Variants in TET2 observed in about 807,000 individuals in gnomAD.
The protein encoded by TET2 is methylcytosine dioxygenase TET2.
TET2 carries 299 observed loss-of-function variants against 142.9 expected under a neutral mutation model. The ratio of observed to expected loss-of-function variants is 2.09; its 90% CI spans 1.90 to 2.30. The LOEUF (loss-of-function observed/expected upper bound fraction) is 2.30. Among genes scored for constraint, TET2 ranks in the 30% most tolerant of loss-of-function variants. The pLI is 0.00. For missense variants in TET2, 2,418 were observed against 2,378.0 expected, an observed-to-expected ratio of 1.02 and a Z score of -0.35; for synonymous variants, 819 against 849.0, an observed-to-expected ratio of 0.96 and a Z score of 0.61.
At chr4:105,200,593 A>G (rs1254730438) in intron 2 of TET2, among the ~76,000 whole-genome samples, 1 of 151,982 alleles carries the variant, frequency 6.6e-6, no homozygotes, top group Non-Finnish European at 1.5e-5. Context: ...GATCTGATAT[A>G]AGCATATGTT....
At chr4:105,204,153 G>A (rs949535924) in intron 2 of TET2, among the ~76,000 whole-genome samples, 14 of 150,802 alleles carry the variant, frequency 9.3e-5, no homozygotes, top group African/African-American at 2.4e-4. Flanking sequence ...AGTTGAGTTC[G>A]CGTCACTGCA....
chr4:105,217,235 G>C (rs1296641303), intron 2 of TET2, among the ~76,000 whole-genome samples: 1 of 152,046 alleles, frequency 6.6e-6, no homozygotes, highest in African/African-American at 2.4e-5. Context: ...TTTGGGCAAA[G>C]TACAGGTGAA....
At chr4:105,159,998 G>A (rs1447794300) in intron 1 of TET2, among the ~76,000 whole-genome samples, 3 of 151,320 alleles carry the variant, frequency 2.0e-5, no homozygotes, top group Admixed American at 2.0e-4. Context: ...ACGAGACTCC[G>A]TCTCAGAAAA....
In TET2 at chr4:105,236,103, C is replaced by T. The variant is rs1367316522; in HGVS notation, c.2161C>T (p.His721Tyr). The T allele has an allele frequency of 6.2e-7, 1 of 1,614,172 alleles. No individual in the cohort carries two copies. Among genetic ancestry groups the T allele is most frequent in the East Asian group, 2.2e-5 (1 of 44,880 alleles). Reference sequence around the variant, plus strand: ...ATTTTCAAACTCACACCTTTTGCAACATAAGCCTCATAAACAGGCAGCACA... The same window carrying T: ...ATTTTCAAACTCACACCTTTTGCAATATAAGCCTCATAAACAGGCAGCACA... ...EPFSNSHLLQ[H>Y]KPHKQAAQTQ... The change falls in exon 3 of 11, where the codon CAT (histidine) becomes TAT (tyrosine). Residue 721 changes from histidine (H) to tyrosine (Y), a missense_variant. Coordinates refer to ENST00000380013, the MANE Select transcript of TET2 (RefSeq NM_001127208.3).
chr4:105,214,300 GA>G (rs1727347057), intron 2 of TET2, among the ~76,000 whole-genome samples: 2 of 74,736 alleles, frequency 2.7e-5, no homozygotes, highest in Non-Finnish European at 5.9e-5. Flanking sequence ...CCCCGAGGGA[GA>G]TTTTTTTTTT....
intron 2 of TET2, among the ~76,000 whole-genome samples, chr4:105,219,771 C>T (rs949527312): frequency 1.6e-4 from 24 of 151,904 alleles, no homozygotes; most frequent in Non-Finnish European, 2.5e-4. Context: ...TTATATAACT[C>T]GACTTTAAGA....
At chr4:105,181,279 G>T (rs1725107983) in intron 1 of TET2, among the ~76,000 whole-genome samples, 1 of 152,118 alleles carries the variant, frequency 6.6e-6, no homozygotes, top group African/African-American at 2.4e-5. Context: ...GTCACAATAT[G>T]CTTTTTGAGG....
chr4:105,170,154 C>T (rs1724382759), intron 1 of TET2, among the ~76,000 whole-genome samples: 1 of 152,050 alleles, frequency 6.6e-6, no homozygotes, highest in South Asian at 2.1e-4. Context: ...AGTTTATCAA[C>T]CCTTGGCAAA....
chr4:105,182,114 A>AT (rs1725154837), intron 1 of TET2, among the ~76,000 whole-genome samples: 2 of 152,056 alleles, frequency 1.3e-5, no homozygotes, highest in African/African-American at 2.4e-5. Flanking sequence ...TAATAGTTAC[A>AT]TTTTTTTCCA....
intron 2 of TET2, among the ~76,000 whole-genome samples, chr4:105,196,347 G>T (rs1726092581): frequency 1.3e-5 from 2 of 152,040 alleles, no homozygotes; most frequent in Admixed American, 1.3e-4. Flanking sequence ...CAATTAGAAT[G>T]GAGTTTATTT....
intron 1 of TET2, among the ~76,000 whole-genome samples, chr4:105,167,690 T>A (rs1724236163): frequency 6.6e-6 from 1 of 152,216 alleles, no homozygotes; most frequent in South Asian, 2.1e-4. Context: ...CTAATAGTCC[T>A]AGCAGTAGCA....
At chr4:105,258,389 A>C (rs986482195) in intron 6 of TET2, among the ~76,000 whole-genome samples, 2 of 152,188 alleles carry the variant, frequency 1.3e-5, no homozygotes, top group Non-Finnish European at 2.9e-5. Flanking sequence ...ACCGTTAGTT[A>C]CCATTTAATA....
Position 105,242,910 on chromosome 4 carries a change from T to A in TET2, c.3577T>A (p.Cys1193Ser). Residue 1193 changes from cysteine to serine, a missense_variant, in exon 5 of 11, where the codon TGT becomes AGT. Coordinates refer to ENST00000380013, the MANE Select transcript of TET2 (RefSeq NM_001127208.3). ...TAAAGAAGGCAAAAGTTCTCAGGGATGTCCTATTGCTAAGTGGGTAAGTGT... is the reference window on the plus strand; with the variant it reads ...TAAAGAAGGCAAAAGTTCTCAGGGAAGTCCTATTGCTAAGTGGGTAAGTGT... ...TGKEGKSSQGCPIAKWVVRRS... is the reference protein window; with the variant it reads ...TGKEGKSSQGSPIAKWVVRRS... 6.4e-7 allele frequency: 1 copy of A among 1,551,278 alleles called. No individual in the cohort carries two copies. The highest frequency in any genetic ancestry group is 2.4e-5 in the East Asian group (1 of 40,844).
At chr4:105,191,036 A>G (rs1037688490) in intron 2 of TET2, among the ~76,000 whole-genome samples, 1 of 152,124 alleles carries the variant, frequency 6.6e-6, no homozygotes, top group African/African-American at 2.4e-5. Flanking sequence ...AGGAGCAGCT[A>G]TGTGATTTTA....
intron 1 of TET2, among the ~76,000 whole-genome samples, chr4:105,151,327 C>T (rs1055642722): frequency 3.9e-5 from 6 of 151,970 alleles, no homozygotes; most frequent in East Asian, 1.9e-4. Context: ...TCTCAAACAG[C>T]GACAACAACA....
rs754185844 is a variant in TET2 at position 105,261,743 on chromosome 4, T to C, written c.3955-16T>C. On this transcript the variant is annotated splice_polypyrimidine_tract_variant and intron_variant, in intron 7 of 10. Transcript: ENST00000380013. ...GGACTTAGAATTTAATATGTAGAAT[T>C]ATTCACTTTATACAGGAAGAGAAAC... 61 of 1,462,490 alleles carry C rather than the reference T, an allele frequency of 4.2e-5. No individual in the cohort carries two copies. The highest frequency in any genetic ancestry group is 5.7e-5 in the Non-Finnish European group (61 of 1,070,194). The allele number at this position is 1,462,490 out of a possible 1,614,324, so 90.6% of individuals were successfully genotyped here. A position where few individuals can be genotyped will look rare whatever the true frequency, so the allele number is the denominator to read the frequency against.
intron 2 of TET2, among the ~76,000 whole-genome samples, chr4:105,209,049 G>GTGTATA (rs71584291): frequency 8.1e-4 from 36 of 44,354 alleles, no homozygotes; most frequent in Non-Finnish European, 2.7e-3. Flanking sequence ...TCAAGGCATG[G>GTGTATA]TATATATATA....
At chr4:105,160,115 A>G (rs963650429) in intron 1 of TET2, among the ~76,000 whole-genome samples, 1 of 152,216 alleles carries the variant, frequency 6.6e-6, no homozygotes, top group Non-Finnish European at 1.5e-5. Flanking sequence ...ACTCTTGGTT[A>G]ATCATGCTCC....
At chr4:105,251,677 A>T (rs983540423) in intron 6 of TET2, among the ~76,000 whole-genome samples, 1 of 152,146 alleles carries the variant, frequency 6.6e-6, no homozygotes, top group Non-Finnish European at 1.5e-5. Context: ...GATAAGGTAT[A>T]CTGATCTTTA....
Sources: gnomAD v4.1 joint callset for allele counts (sites outside exome capture counted in the v4.1 genomes callset) on GRCh38, gnomAD v4.1.1 for gene constraint, MANE v1.5 for transcripts, NCBI Gene and HGNC (gene_info 2026-07-23, HGNC 2026-07-21) for gene names.